The following NSUN2 variants were observed in gnomAD, a reference collection of about 807,000 sequenced individuals.
NSUN2 encodes RNA cytosine C(5)-methyltransferase NSUN2.
A neutral mutation model predicts 92.7 loss-of-function variants in NSUN2; 63 were observed. The ratio of observed to expected loss-of-function variants is 0.68; its 90% CI spans 0.56 to 0.84. NSUN2 has a LOEUF of 0.84. Ranked by LOEUF, NSUN2 falls within the 40% of genes least tolerant of loss-of-function variation. The pLI is 0.00. For missense variants in NSUN2, 989 were observed against 964.9 expected, an observed-to-expected ratio of 1.02 and a Z score of -0.33; for synonymous variants, 356 against 348.3, an observed-to-expected ratio of 1.02 and a Z score of -0.25.
intron 8 of NSUN2, among the ~76,000 whole-genome samples, chr5:6,617,187 G>T (rs1463190189): frequency 6.6e-6 from 1 of 152,054 alleles, no homozygotes; most frequent in Non-Finnish European, 1.5e-5. Flanking sequence ...TAAATATGTG[G>T]TTTTTCTATG....
chr5:6,628,804 A>C (rs930382720), intron 3 of NSUN2, among the ~76,000 whole-genome samples: 2 of 152,224 alleles, frequency 1.3e-5, no homozygotes, highest in Admixed American at 1.3e-4. Context: ...GCACTTTGGG[A>C]AACCAAGGCA....
intron 9 of NSUN2, among the ~76,000 whole-genome samples, chr5:6,616,309 T>A (rs1216151929): frequency 6.6e-6 from 1 of 152,176 alleles, no homozygotes; most frequent in Non-Finnish European, 1.5e-5. Context: ...AACAACAGAA[T>A]AGTGTTCAGC....
intron 11 of NSUN2, 73 bp from the exon 12 acceptor site, chr5:6,609,995 G>A (rs948654654): frequency 2.8e-5 from 28 of 1,003,030 alleles, no homozygotes; most frequent in Middle Eastern, 3.1e-4. Context: ...GACAAATACC[G>A]CAAAGATGAT....
chr5:6,615,211 C>T (rs1737159114), intron 9 of NSUN2, among the ~76,000 whole-genome samples: 1 of 151,956 alleles, frequency 6.6e-6, no homozygotes, highest in African/African-American at 2.4e-5. Context: ...AAGTCTGAGT[C>T]GTAAATGGCA....
rs148056211 is a variant in NSUN2 at position 6,616,847 on chromosome 5, G to A, written c.901C>T (p.Arg301Trp). The A allele has an allele frequency of 4.0e-5, 65 of 1,612,660 alleles. No homozygotes were observed. Among genetic ancestry groups the A allele is most frequent in the Non-Finnish European group, 5.2e-5 (61 of 1,179,352 alleles). The change falls in exon 9 of 19, where the codon CGG becomes TGG. Residue 301 changes from arginine to tryptophan, a missense_variant. Physicochemically the swap from Arg to Trp is moderately radical, Grantham distance 101. This residue lies in a region of NSUN2 where 626 missense variants were observed against 602.3 expected (regional missense o/e 1.04). Coordinates refer to ENST00000264670, the MANE Select transcript of NSUN2 (RefSeq NM_017755.6). ...TGTTCAGCCCCGCGTGTTGCAATCCGCAGCTGTAAGCTAAGGGGAGATATC... is the reference window on the plus strand; with the variant it reads ...TGTTCAGCCCCGCGTGTTGCAATCCACAGCTGTAAGCTAAGGGGAGATATC... ...NSLQLHGLQL[R>W]IATRGAEQLA...
intron 17 of NSUN2, among the ~76,000 whole-genome samples, chr5:6,603,070 C>T (rs897268393): frequency 3.3e-5 from 5 of 152,038 alleles, no homozygotes; most frequent in Admixed American, 6.5e-5. Flanking sequence ...AAGTAAGAAA[C>T]GTAACTGCAA....
intron 9 of NSUN2, among the ~76,000 whole-genome samples, chr5:6,613,949 T>A (rs1737101914): frequency 6.6e-6 from 1 of 151,688 alleles, no homozygotes. Context: ...ATACAAAAAT[T>A]GGCTGGGCGT....
Position 6,616,419 on chromosome 5 carries a change from T to C in NSUN2, c.1021+308A>G, listed in dbSNP as rs13164691. On this transcript the variant is annotated intron_variant, in intron 9 of 18. Transcript: ENST00000264670. The stretch of plus-strand genomic sequence containing the variant: ...GCCAGTCACGAAAAGACAAATACAG[T>C]ATGATTCCGCTTCTGTGAGGTCTAG... Among the ~76,000 whole-genome samples the C allele has an allele frequency of 0.63, 96,391 of 152,052 alleles. 30,768 individuals carry two copies. Among genetic ancestry groups the C allele is most frequent in the Middle Eastern group, 0.73 (214 of 294 alleles).
chr5:6,623,416 A>T, intron 4 of NSUN2, 131 bp from the exon 5 acceptor site: 1 of 693,068 alleles, frequency 1.4e-6, no homozygotes, highest in Non-Finnish European at 2.4e-6. Flanking sequence ...GAGAACTCAT[A>T]CTATCACACA....
At chr5:6,600,980 C>G (rs567753038) in intron 18 of NSUN2, among the ~76,000 whole-genome samples, 69 of 152,060 alleles carry the variant, frequency 4.5e-4, no homozygotes, top group Non-Finnish European at 6.0e-4. Context: ...GCCACCATTT[C>G]CAACCTGCAC....
chr5:6,609,273 G>A (rs1267185647), intron 12 of NSUN2, among the ~76,000 whole-genome samples: 2 of 152,188 alleles, frequency 1.3e-5, no homozygotes, highest in Admixed American at 1.3e-4. Context: ...AAAGGACTGC[G>A]TGTTAGGATG....
At chr5:6,618,815 TG>T (rs1375058309) in intron 7 of NSUN2, among the ~76,000 whole-genome samples, 12 of 152,358 alleles carry the variant, frequency 7.9e-5, no homozygotes, top group African/African-American at 2.4e-4. Context: ...TAATTTTATC[TG>T]CCCTGTTTTC....
chr5:6,603,978 C>T, intron 17 of NSUN2, 160 bp downstream of exon 17: 1 of 658,226 alleles, frequency 1.5e-6, no homozygotes, highest in Non-Finnish European at 2.6e-6. Context: ...GCATTCTGAA[C>T]TGTCAATCAG....
intron 7 of NSUN2, among the ~76,000 whole-genome samples, chr5:6,619,637 G>C (rs1737354715): frequency 6.6e-6 from 1 of 152,108 alleles, no homozygotes; most frequent in Admixed American, 6.5e-5. Flanking sequence ...AATTTCTTAA[G>C]GGCTTGAACT....
At position 6,611,048 on chromosome 5, in the gene NSUN2, T is replaced by A; in HGVS notation, c.1133A>T (p.Asp378Val). 6.2e-7 allele frequency: 1 copy of A among 1,614,088 alleles called. No individual in the cohort carries two copies. Among genetic ancestry groups the A allele is most frequent in the Non-Finnish European group, 8.5e-7 (1 of 1,180,008 alleles). Reference protein sequence around the residue: ...TKDGQWFTDWDAVPHSRHTQI... With the variant: ...TKDGQWFTDWVAVPHSRHTQI... Reference sequence around the variant, plus strand: ...GGTGTGTCTGCTGTGAGGAACAGCGTCCCAGTCTGTAAACCACTGCCCATC... The same window carrying A: ...GGTGTGTCTGCTGTGAGGAACAGCGACCCAGTCTGTAAACCACTGCCCATC... The change falls in exon 11 of 19, where the codon GAC (aspartate) becomes GTC (valine). Residue 378 changes from aspartate (D) to valine (V), a missense_variant. Asp to Val is a radical substitution (Grantham distance 152). Transcript: ENST00000264670.
At chr5:6,620,587 C>A in intron 6 of NSUN2, 1 of 256,054 alleles carries the variant, frequency 3.9e-6, no homozygotes, top group African/African-American at 2.2e-5. Flanking sequence ...TTATTAGTAA[C>A]GATTAACTAC....
chr5:6,629,855 A>C (rs910578392), intron 3 of NSUN2, among the ~76,000 whole-genome samples: 1 of 152,116 alleles, frequency 6.6e-6, no homozygotes, highest in Non-Finnish European at 1.5e-5. Flanking sequence ...CTCAGCACTC[A>C]TTCTCTCTCC....
intron 12 of NSUN2, among the ~76,000 whole-genome samples, chr5:6,607,711 A>G (rs961058094): frequency 2.0e-5 from 3 of 152,336 alleles, no homozygotes; most frequent in South Asian, 4.1e-4. Context: ...TGGGTAAGGC[A>G]CACTGAAGGA....
chr5:6,605,058 A>G, intron 15 of NSUN2: 1 of 662,862 alleles, frequency 1.5e-6, no homozygotes. Context: ...GGCACAGAAA[A>G]GACACAGGCC....
Sources: allele counts gnomAD v4.1 joint callset (sites outside exome capture counted in the v4.1 genomes callset), GRCh38; gene constraint gnomAD v4.1.1; regional missense constraint gnomAD v4.1.1; transcripts MANE v1.5; gene names NCBI Gene and HGNC (gene_info 2026-07-23, HGNC 2026-07-21).